The following WWC2 variants were observed in gnomAD, a reference collection of about 807,000 sequenced individuals.
The protein encoded by WWC2 is protein WWC2.
A neutral mutation model predicts 138.5 loss-of-function variants in WWC2; 101 were observed. That is an observed-to-expected ratio of 0.73 (90% CI 0.62 to 0.86). WWC2 has a LOEUF of 0.86. Among genes scored for constraint, WWC2 ranks in the 40% least tolerant of loss-of-function variants. WWC2 has a pLI of 0.00. For missense variants in WWC2, 1,420 were observed against 1,419.4 expected, an observed-to-expected ratio of 1.00 and a Z score of -0.01; for synonymous variants, 558 against 538.4, an observed-to-expected ratio of 1.04 and a Z score of -0.50.
In WWC2 at chr4:183,285,973, C is replaced by A. The variant is rs1375260915; in HGVS notation, c.3055C>A (p.Arg1019=). ...ERNQYICRLN[R]SDSDSSTLAK... is the part of the protein sequence containing the mutation. ...TTAAATCTTTTGTTGCCAGTTAAAT[C>A]GGAGTGACAGTGACAGTTCAACCCT... The change falls in exon 20 of 23, where the codon CGG becomes AGG. Residue 1019 remains arginine (R), a synonymous_variant. Coordinates refer to ENST00000403733, the MANE Select transcript of WWC2 (RefSeq NM_024949.6). The A allele has an allele frequency of 4.4e-6, 7 of 1,587,750 alleles. No homozygotes were observed. Among genetic ancestry groups the A allele is most frequent in the Non-Finnish European group, 6.0e-6 (7 of 1,165,604 alleles).
chr4:183,142,683 T>G (rs369662386), intron 1 of WWC2, among the ~76,000 whole-genome samples: 2 of 152,352 alleles, frequency 1.3e-5, no homozygotes, highest in African/African-American at 4.8e-5. Context: ...CGTGTCTGTC[T>G]TGTGGATTTG....
intron 4 of WWC2, among the ~76,000 whole-genome samples, chr4:183,233,376 C>T (rs533999019): frequency 2.6e-4 from 39 of 151,882 alleles, no homozygotes; most frequent in African/African-American, 7.7e-4. Context: ...AGGCTGGTCT[C>T]GAACTCCTGA....
Position 183,315,746 on chromosome 4 carries a change from A to G in WWC2, c.*17A>G. 6.2e-7 allele frequency: 1 copy of G among 1,601,478 alleles called. No homozygotes were observed. On this transcript the variant is annotated 3_prime_UTR_variant, in exon 23 of 23. Transcript: ENST00000403733. ...GATGTGTGATTACATGACTTAAGAA[A>G]TTATTTTTTCATCTGTTCACTTTCT...
intron 1 of WWC2, among the ~76,000 whole-genome samples, chr4:183,138,406 A>G (rs1482637994): frequency 6.6e-6 from 1 of 152,178 alleles, no homozygotes; most frequent in Non-Finnish European, 1.5e-5. Flanking sequence ...ACTCATGCTT[A>G]GCTCAGGGGT....
intron 1 of WWC2, among the ~76,000 whole-genome samples, chr4:183,173,342 G>A (rs1486356704): frequency 6.6e-6 from 1 of 152,064 alleles, no homozygotes; most frequent in Non-Finnish European, 1.5e-5. Context: ...GTGAGCCACC[G>A]TGCCTGGCCA....
intron 1 of WWC2, among the ~76,000 whole-genome samples, chr4:183,192,822 GA>G (rs1204701969): frequency 6.6e-6 from 1 of 151,744 alleles, no homozygotes; most frequent in Non-Finnish European, 1.5e-5. Context: ...AGTAGCCAAG[GA>G]AAATCTCAAA....
At chr4:183,254,613 G>GT (rs1247115438) in intron 9 of WWC2, among the ~76,000 whole-genome samples, 3 of 152,200 alleles carry the variant, frequency 2.0e-5, no homozygotes, top group African/African-American at 4.8e-5. Flanking sequence ...GGAATGTTAA[G>GT]TGAAGGGACC....
At chr4:183,304,035 T>G (rs1738947983) in intron 21 of WWC2, among the ~76,000 whole-genome samples, 1 of 152,132 alleles carries the variant, frequency 6.6e-6, no homozygotes, top group Non-Finnish European at 1.5e-5. Flanking sequence ...ATGAAATCAT[T>G]AAAAGCTACA....
intron 11 of WWC2, among the ~76,000 whole-genome samples, chr4:183,262,853 A>G (rs914587494): frequency 6.6e-6 from 1 of 152,150 alleles, no homozygotes; most frequent in Non-Finnish European, 1.5e-5. Context: ...CTCCACTCAC[A>G]TTTTAGTCAC....
At position 183,269,164 on chromosome 4, in the gene WWC2, G is replaced by C. The variant is rs748186231; in HGVS notation, c.2400+1G>C. The C allele has an allele frequency of 2.5e-6, 4 of 1,604,174 alleles. No individual in the cohort carries two copies. In the African/African-American group the frequency reaches 4.1e-5, roughly 16 times the overall value. On this transcript the variant is annotated splice_donor_variant, in intron 15 of 22. Coordinates refer to ENST00000403733, the MANE Select transcript of WWC2 (RefSeq NM_024949.6). LOFTEE classifies it high-confidence loss of function. Reference sequence around the variant, plus strand: ...TAAACACCGAAGGGAAGAATGCCTGGTAGGATTCTTCATAATTCCCATTAC... The same window carrying C: ...TAAACACCGAAGGGAAGAATGCCTGCTAGGATTCTTCATAATTCCCATTAC...
chr4:183,143,412 C>T (rs1489177159), intron 1 of WWC2, among the ~76,000 whole-genome samples: 1 of 152,166 alleles, frequency 6.6e-6, no homozygotes, highest in Non-Finnish European at 1.5e-5. Flanking sequence ...ACTCATTTGT[C>T]AACTCTGTCC....
At chr4:183,259,595 A>G in intron 9 of WWC2, 44 bp from the exon 10 acceptor site, 3 of 1,352,256 alleles carry the variant, frequency 2.2e-6, no homozygotes, top group Non-Finnish European at 3.0e-6. Flanking sequence ...TTTAGTTTTC[A>G]TATTTTGTTA....
intron 11 of WWC2, among the ~76,000 whole-genome samples, chr4:183,263,303 G>C (rs1001523977): frequency 6.6e-6 from 1 of 152,124 alleles, no homozygotes; most frequent in Admixed American, 6.5e-5. Flanking sequence ...AGAGGGGAGA[G>C]AGTGATGAGG....
intron 1 of WWC2, among the ~76,000 whole-genome samples, chr4:183,191,350 G>A (rs1331030134): frequency 6.6e-6 from 1 of 151,704 alleles, no homozygotes. Flanking sequence ...TCCATATTTG[G>A]GCACATTGCT....
chr4:183,221,456 A>G (rs921277710), intron 4 of WWC2, among the ~76,000 whole-genome samples: 3 of 152,234 alleles, frequency 2.0e-5, no homozygotes, highest in African/African-American at 7.2e-5. Flanking sequence ...ACCATTTAAA[A>G]ACAGCAGAAG....
rs768107878 is a variant in WWC2 at position 183,265,835 on chromosome 4, C to A, written c.2121-30C>A. ...GCAGGGCAAGTGGCCTGTGGTGATT[C>A]CTGACTTCATTTAGCCTCTCTTTTG... On this transcript the variant is annotated intron_variant, in intron 13 of 22. Transcript: ENST00000403733. 3 of 1,610,114 alleles carry A rather than the reference C, an allele frequency of 1.9e-6. No individual in the cohort carries two copies. In the East Asian group the frequency reaches 6.7e-5, roughly 36 times the overall value.
Position 183,198,086 on chromosome 4 carries a change from G to A in WWC2, c.241+4378G>A, listed in dbSNP as rs150952328. The stretch of plus-strand genomic sequence containing the variant: ...TGGGAGGCAGTTTGCACCTGTGGTC[G>A]CACCTACTTGGGAGGCTGAGGTGGG... On this transcript the variant is annotated intron_variant, in intron 2 of 22. Transcript: ENST00000403733. Among the ~76,000 whole-genome samples, 92 of 152,198 alleles carry A rather than the reference G, an allele frequency of 6.0e-4. No individual in the cohort carries two copies. The East Asian group carries it at 9.9e-3, about 16-fold the overall frequency.
At chr4:183,222,421 A>G (rs1388780573) in intron 4 of WWC2, among the ~76,000 whole-genome samples, 1 of 152,056 alleles carries the variant, frequency 6.6e-6, no homozygotes, top group Non-Finnish European at 1.5e-5. Context: ...CATATTCACA[A>G]TAGCAAACCC....
intron 9 of WWC2, among the ~76,000 whole-genome samples, chr4:183,257,867 T>C (rs1055960976): frequency 1.3e-5 from 2 of 152,226 alleles, no homozygotes; most frequent in African/African-American, 4.8e-5. Flanking sequence ...GAGAAAGGGC[T>C]GATGTCTGCA....
Sources: allele counts gnomAD v4.1 joint callset (sites outside exome capture counted in the v4.1 genomes callset), GRCh38; gene constraint gnomAD v4.1.1; transcripts MANE v1.5; gene names NCBI Gene and HGNC (gene_info 2026-07-23, HGNC 2026-07-21).